The following MAST4 variants were observed in gnomAD, a reference collection of about 807,000 sequenced individuals.
MAST4 encodes the protein microtubule-associated serine/threonine-protein kinase 4.
MAST4 carries 89 observed loss-of-function variants against 162.7 expected under a neutral mutation model. The ratio of observed to expected loss-of-function variants is 0.55; its 90% CI spans 0.46 to 0.65. MAST4 has a LOEUF of 0.65. MAST4 is among the 30% of genes least tolerant of loss of function. The pLI is 0.00. For missense variants in MAST4, 3,153 were observed against 3,374.0 expected, an observed-to-expected ratio of 0.93 and a Z score of 1.62; for synonymous variants, 1,479 against 1,361.1, an observed-to-expected ratio of 1.09 and a Z score of -1.91.
intron 4 of MAST4, among the ~76,000 whole-genome samples, chr5:67,034,153 A>C (rs1483837952): frequency 6.6e-6 from 1 of 152,174 alleles, no homozygotes; most frequent in Non-Finnish European, 1.5e-5. Context: ...TGTCATCACA[A>C]GCCACACCTA....
At chr5:66,755,830 A>G (rs1753502446) in intron 1 of MAST4, among the ~76,000 whole-genome samples, 2 of 152,202 alleles carry the variant, frequency 1.3e-5, no homozygotes, top group Non-Finnish European at 2.9e-5. Flanking sequence ...CATTGCTATT[A>G]AATGTTAACT....
intron 3 of MAST4, among the ~76,000 whole-genome samples, chr5:66,885,843 A>G (rs1177225996): frequency 6.6e-6 from 1 of 152,216 alleles, no homozygotes. Flanking sequence ...ATACTTCCAA[A>G]TTGCAAAACC....
At chr5:66,742,240 C>T (rs1017789270) in intron 1 of MAST4, among the ~76,000 whole-genome samples, 3 of 152,110 alleles carry the variant, frequency 2.0e-5, no homozygotes, top group East Asian at 1.9e-4. Context: ...TTCATCTGCC[C>T]GAGTCTGTTT....
At chr5:66,658,315 AG>A (rs1746684514) in intron 1 of MAST4, among the ~76,000 whole-genome samples, 1 of 152,232 alleles carries the variant, frequency 6.6e-6, no homozygotes, top group South Asian at 2.1e-4. Flanking sequence ...TGGACTAAAA[AG>A]GAATGCAGTT....
At chr5:66,755,935 A>G (rs551341509) in intron 1 of MAST4, among the ~76,000 whole-genome samples, 6 of 152,336 alleles carry the variant, frequency 3.9e-5, no homozygotes, top group African/African-American at 1.4e-4. Flanking sequence ...GTAAAACAGC[A>G]TATAATGGGT....
At chr5:67,045,866 T>G (rs469317) in intron 4 of MAST4, among the ~76,000 whole-genome samples, 2 of 151,978 alleles carry the variant, frequency 1.3e-5, no homozygotes, top group African/African-American at 4.8e-5. Flanking sequence ...TTCCAGGAAC[T>G]TGAAGATAAT....
chr5:66,823,694 C>A (rs1454481055), intron 3 of MAST4, among the ~76,000 whole-genome samples: 1 of 152,066 alleles, frequency 6.6e-6, no homozygotes, highest in Non-Finnish European at 1.5e-5. Flanking sequence ...TGGTCTCCAA[C>A]CAACATGTTC....
At chr5:66,999,714 T>G (rs1751063843) in intron 4 of MAST4, among the ~76,000 whole-genome samples, 1 of 152,186 alleles carries the variant, frequency 6.6e-6, no homozygotes, top group Non-Finnish European at 1.5e-5. Flanking sequence ...TTTTCCTTTT[T>G]TGCTTCCAGG....
rs553230124 is a variant in MAST4 at position 66,790,271 on chromosome 5, T to C, written c.642+1477T>C. Among the ~76,000 whole-genome samples the C allele has an allele frequency of 4.6e-5, 7 of 152,284 alleles. No individual in the cohort carries two copies. The South Asian group carries it at 1.5e-3, about 32-fold the overall frequency. On this transcript the variant is annotated intron_variant, in intron 3 of 28. Coordinates refer to ENST00000403625, the MANE Select transcript of MAST4 (RefSeq NM_001164664.2). ...GTTCAGGTCTAGCCTCTAGTCCTGC[T>C]TTTGCCATTAGATAGCTGTATAAAC...
intron 1 of MAST4, among the ~76,000 whole-genome samples, chr5:66,625,991 A>G (rs896641857): frequency 6.6e-6 from 1 of 152,200 alleles, no homozygotes; most frequent in East Asian, 1.9e-4. Context: ...ACATGGGTGG[A>G]GCCAGAGGAC....
intron 4 of MAST4, among the ~76,000 whole-genome samples, chr5:66,986,914 A>T (rs1749574086): frequency 6.6e-6 from 1 of 152,100 alleles, no homozygotes; most frequent in Non-Finnish European, 1.5e-5. Flanking sequence ...GTCCAGCTAA[A>T]CGTGTCTATA....
intron 4 of MAST4, among the ~76,000 whole-genome samples, chr5:67,024,496 T>C (rs931883149): frequency 5.9e-5 from 9 of 151,782 alleles, no homozygotes. Flanking sequence ...CATATCTATA[T>C]ATACACATTC....
At chr5:67,024,175 G>C (rs1055108483) in intron 4 of MAST4, among the ~76,000 whole-genome samples, 3 of 148,334 alleles carry the variant, frequency 2.0e-5, no homozygotes, top group Admixed American at 1.4e-4. Flanking sequence ...TTTGTGGCTT[G>C]CTTATTTCAC....
chr5:67,067,731 A>T (rs991254911), intron 5 of MAST4, among the ~76,000 whole-genome samples: 5 of 151,534 alleles, frequency 3.3e-5, no homozygotes, highest in South Asian at 2.1e-4. Flanking sequence ...AATGGCATTT[A>T]AAAAAAAATC....
At chr5:67,158,915 T>A (rs1772864701) in intron 26 of MAST4, among the ~76,000 whole-genome samples, 1 of 152,126 alleles carries the variant, frequency 6.6e-6, no homozygotes, top group Non-Finnish European at 1.5e-5. Context: ...ATGCCTGTAA[T>A]CCCAGCTACC....
intron 4 of MAST4, among the ~76,000 whole-genome samples, chr5:66,904,956 G>A (rs927383571): frequency 2.6e-5 from 4 of 151,812 alleles, no homozygotes; most frequent in Non-Finnish European, 4.4e-5. Flanking sequence ...AGTAGACCCC[G>A]GTGTCTTATT....
At chr5:66,771,765 T>TC (rs1394217416) in intron 2 of MAST4, among the ~76,000 whole-genome samples, 1 of 152,040 alleles carries the variant, frequency 6.6e-6, no homozygotes, top group Non-Finnish European at 1.5e-5. Context: ...GCTTTTTTTT[T>TC]TTTTAACCTG....
chr5:66,747,155 G>T (rs1218403346), intron 1 of MAST4, among the ~76,000 whole-genome samples: 2 of 150,986 alleles, frequency 1.3e-5, no homozygotes, highest in African/African-American at 4.9e-5. Context: ...TAGAGAAAAG[G>T]AATTGACTTT....
chr5:66,773,289 G>T (rs1754441284), intron 2 of MAST4, among the ~76,000 whole-genome samples: 1 of 152,176 alleles, frequency 6.6e-6, no homozygotes, highest in African/African-American at 2.4e-5. Context: ...ATGTTCCATT[G>T]TCATTCAAGT....
Sources: allele counts gnomAD v4.1 joint callset (sites outside exome capture counted in the v4.1 genomes callset), GRCh38; gene constraint gnomAD v4.1.1; transcripts MANE v1.5; gene names NCBI Gene and HGNC (gene_info 2026-07-23, HGNC 2026-07-21).